MACROD2: variants seen among roughly 807,000 people sequenced by gnomAD.
The protein encoded by MACROD2 is mono-ADP ribosylhydrolase 2.
Under a neutral mutation model 70.4 loss-of-function variants are expected in MACROD2, and 36 were observed. The ratio of observed to expected loss-of-function variants is 0.51; its 90% CI spans 0.39 to 0.68. MACROD2 has a LOEUF of 0.68. Among genes scored for constraint, MACROD2 ranks in the 30% least tolerant of loss-of-function variants. The pLI is 0.00. For missense variants in MACROD2, 496 were observed against 538.4 expected (o/e 0.92, Z 0.78); for synonymous variants, 172 against 178.8 (o/e 0.96, Z 0.30).
At chr20:15,607,746 C>A (rs569542860) in intron 8 of MACROD2, among the ~76,000 whole-genome samples, 6 of 152,242 alleles carry the variant, frequency 3.9e-5, no homozygotes, top group African/African-American at 1.4e-4. Flanking sequence ...GTTGGCCAGG[C>A]TGGTCTCAAA....
At chr20:15,617,598 A>G (rs2049056953) in intron 8 of MACROD2, among the ~76,000 whole-genome samples, 1 of 152,258 alleles carries the variant, frequency 6.6e-6, no homozygotes, top group Admixed American at 6.5e-5. Flanking sequence ...TGCAAAGTAT[A>G]CACATCCCAT....
intron 3 of MACROD2, among the ~76,000 whole-genome samples, chr20:14,145,146 G>A (rs2054928824): frequency 6.6e-6 from 1 of 152,122 alleles, no homozygotes; most frequent in Non-Finnish European, 1.5e-5. Flanking sequence ...TACAAAAAAA[G>A]CACTGTATGT....
At chr20:15,753,915 T>C (rs1014188040) in intron 8 of MACROD2, among the ~76,000 whole-genome samples, 1 of 152,196 alleles carries the variant, frequency 6.6e-6, no homozygotes, top group Admixed American at 6.5e-5. Context: ...CAACTTGAAT[T>C]TAAAATATAT....
intron 3 of MACROD2, among the ~76,000 whole-genome samples, chr20:14,124,700 ATGTAAAATGGTGGAGCCAC>A (rs1451685803): frequency 1.3e-5 from 2 of 152,198 alleles, no homozygotes; most frequent in African/African-American, 4.8e-5. Context: ...GCTGGTAGGA[ATGTAAAATGGTGGAGCCAC>A]TGTAGAAAAC....
intron 5 of MACROD2, among the ~76,000 whole-genome samples, chr20:15,101,486 G>A (rs2075871904): frequency 7.7e-6 from 1 of 129,524 alleles, no homozygotes; most frequent in Non-Finnish European, 1.6e-5. Context: ...AGCTTAGGTT[G>A]ATTATTGCTT....
rs563025876 is a variant in MACROD2, at chr20:15,912,728, T to C, written c.776-20548T>C. On this transcript the variant is annotated intron_variant, in intron 10 of 17. Transcript: ENST00000684519. ...GGTTATTGGATTGCAAAGAGGATGTTTGTTGGAACCGAGAATAAAAACCAA... is the reference window on the plus strand; with the variant it reads ...GGTTATTGGATTGCAAAGAGGATGTCTGTTGGAACCGAGAATAAAAACCAA... 2.0e-5 allele frequency among the ~76,000 whole-genome samples: 3 copies of C among 152,320 alleles called. No homozygotes were observed. In the South Asian group the frequency reaches 6.2e-4, roughly 32 times the overall value.
intron 5 of MACROD2, among the ~76,000 whole-genome samples, chr20:15,117,197 G>A (rs986878972): frequency 2.0e-5 from 3 of 152,148 alleles, no homozygotes; most frequent in African/African-American, 7.2e-5. Flanking sequence ...AGAAAATAAT[G>A]TGGAGAAAAT....
chr20:14,285,817 A>G (rs778766934), intron 3 of MACROD2, among the ~76,000 whole-genome samples: 5 of 152,036 alleles, frequency 3.3e-5, no homozygotes, highest in African/African-American at 7.2e-5. Flanking sequence ...CTCTCCCACA[A>G]CTACCAGTGA....
chr20:15,251,931 T>C (rs1302359386), intron 6 of MACROD2, among the ~76,000 whole-genome samples: 2 of 152,208 alleles, frequency 1.3e-5, no homozygotes, highest in Non-Finnish European at 2.9e-5. Context: ...GAGGGAGTTA[T>C]ATTAAGAAGA....
intron 4 of MACROD2, among the ~76,000 whole-genome samples, chr20:14,678,240 G>A (rs1162052451): frequency 1.3e-5 from 2 of 152,082 alleles, no homozygotes; most frequent in Non-Finnish European, 2.9e-5. Flanking sequence ...TTATGGACTG[G>A]ATGTAGAAAT....
At chr20:14,065,797 T>C (rs2148658229) in intron 2 of MACROD2, among the ~76,000 whole-genome samples, 1 of 152,346 alleles carries the variant, frequency 6.6e-6, no homozygotes, top group East Asian at 1.9e-4. Context: ...CTCCGTTTTT[T>C]ACTGACTCTT....
Position 15,338,936 on chromosome 20 carries a change from C to T in MACROD2, c.541-92469C>T, listed in dbSNP as rs1302665612. ...TTAGATGATACACTTTGGAATGGTA[C>T]ACTCTGTATATTTGGGACATTTCAT... On this transcript the variant is annotated intron_variant, in intron 6 of 17. Coordinates refer to ENST00000684519, the MANE Select transcript of MACROD2 (RefSeq NM_001351661.2). Among the ~76,000 whole-genome samples, 3 of 151,786 alleles carry T rather than the reference C, an allele frequency of 2.0e-5. 1 individual carries two copies. Among genetic ancestry groups the T allele is most frequent in the Admixed American group, 2.0e-4 (3 of 15,262 alleles).
chr20:14,604,540 G>A (rs1217453373), intron 4 of MACROD2, among the ~76,000 whole-genome samples: 1 of 152,158 alleles, frequency 6.6e-6, no homozygotes, highest in Non-Finnish European at 1.5e-5. Flanking sequence ...AGGGCTTTCT[G>A]CATAAGCCTC....
intron 8 of MACROD2, among the ~76,000 whole-genome samples, chr20:15,695,402 C>T (rs960170923): frequency 4.3e-5 from 6 of 139,058 alleles, no homozygotes; most frequent in East Asian, 2.1e-4. Context: ...TTCTTTTTTT[C>T]TTCTTCTTCT....
At chr20:14,635,225 T>G (rs760119924) in intron 4 of MACROD2, among the ~76,000 whole-genome samples, 12 of 152,246 alleles carry the variant, frequency 7.9e-5, no homozygotes, top group Non-Finnish European at 1.6e-4. Flanking sequence ...AGAGGCACTC[T>G]GGCATTGTCC....
chr20:15,387,370 CT>C (rs745331786), intron 6 of MACROD2, among the ~76,000 whole-genome samples: 1,477 of 60,622 alleles, frequency 0.024, 11 homozygotes, highest in African/African-American at 0.048. Flanking sequence ...CTCTCCCTTT[CT>C]TCCCTCTCTT....
At chr20:14,649,214 C>T (rs1985550011) in intron 4 of MACROD2, among the ~76,000 whole-genome samples, 2 of 152,122 alleles carry the variant, frequency 1.3e-5, no homozygotes, top group African/African-American at 2.4e-5. Flanking sequence ...TTTGTCCTGT[C>T]ATGGGTTCAG....
At chr20:14,405,320 A>T (rs2083680622) in intron 3 of MACROD2, among the ~76,000 whole-genome samples, 1 of 152,180 alleles carries the variant, frequency 6.6e-6, no homozygotes, top group Admixed American at 6.5e-5. Context: ...CTGCTATGAG[A>T]CTTTAAATAT....
intron 3 of MACROD2, among the ~76,000 whole-genome samples, chr20:14,215,281 C>T (rs995128013): frequency 1.4e-5 from 2 of 147,998 alleles, no homozygotes; most frequent in African/African-American, 5.0e-5. Flanking sequence ...TATGTTCTAT[C>T]ATATATGTTC....
Sources: gnomAD v4.1 joint callset for allele counts (sites outside exome capture counted in the v4.1 genomes callset) on GRCh38, gnomAD v4.1.1 for gene constraint, MANE v1.5 for transcripts, NCBI Gene and HGNC (gene_info 2026-07-23, HGNC 2026-07-21) for gene names.